Variants in KCNK2 observed in about 807,000 individuals in gnomAD.
The protein encoded by KCNK2 is potassium two pore domain channel subfamily K member 2.
KCNK2 carries 21 observed loss-of-function variants against 40.5 expected under a neutral mutation model. That is an observed-to-expected ratio of 0.52 (90% CI 0.37 to 0.75). KCNK2 has a LOEUF of 0.75. KCNK2 is among the 30% of genes least tolerant of loss of function. KCNK2 has a pLI of 0.00. For missense variants in KCNK2, 399 were observed against 531.6 expected, an observed-to-expected ratio of 0.75 and a Z score of 2.45; for synonymous variants, 191 against 202.2, an observed-to-expected ratio of 0.94 and a Z score of 0.47.
intron 6 of KCNK2, among the ~76,000 whole-genome samples, chr1:215,217,425 A>G (rs897467723): frequency 3.9e-5 from 6 of 152,222 alleles, no homozygotes; most frequent in Middle Eastern, 6.3e-3. Flanking sequence ...ATGTGTTTAG[A>G]TATACATGCA....
intron 1 of KCNK2, among the ~76,000 whole-genome samples, chr1:215,045,205 A>C (rs1342882484): frequency 5.9e-5 from 2 of 33,668 alleles, no homozygotes; most frequent in African/African-American, 1.3e-4. Context: ...AAACAAACAA[A>C]AACCAAAAAA....
intron 5 of KCNK2, 66 bp downstream of exon 5, chr1:215,172,249 G>A: frequency 7.2e-7 from 1 of 1,397,494 alleles, no homozygotes; most frequent in Non-Finnish European, 9.9e-7. Flanking sequence ...TTTTCACTTA[G>A]GTTTATAACG....
chr1:215,078,030 C>G (rs1659009860), upstream of KCNK2, among the ~76,000 whole-genome samples: 1 of 152,168 alleles, frequency 6.6e-6, no homozygotes, highest in East Asian at 1.9e-4. Context: ...GGTGTCCAGC[C>G]TTTTGGCTTC....
intron 1 of KCNK2, among the ~76,000 whole-genome samples, chr1:215,007,450 C>T (rs1258543406): frequency 6.6e-6 from 1 of 151,632 alleles, no homozygotes; most frequent in African/African-American, 2.4e-5. Flanking sequence ...TTGAGTAGCT[C>T]TTGGAGTCAA....
rs145842248 is a variant in KCNK2, at chr1:215,214,514, G to T, written c.963+19422G>T. 4.9e-3 allele frequency among the ~76,000 whole-genome samples: 739 copies of T among 152,288 alleles called. 5 individuals carry two copies. The highest frequency in any genetic ancestry group is 0.017 in the African/African-American group (691 of 41,554). ...TTGTGTTTACTAAAGCTATCAGGTA[G>T]CTGGGTATGTTGTCTCACAAAGCAA... On this transcript the variant is annotated intron_variant, in intron 6 of 6. Coordinates refer to ENST00000444842, the MANE Select transcript of KCNK2 (RefSeq NM_001017425.3).
chr1:215,070,348 G>A lies in KCNK2; in HGVS notation c.35-16020G>A, dbSNP rs1019081555. Among the ~76,000 whole-genome samples the A allele has an allele frequency of 8.6e-5, 13 of 150,816 alleles. No individual in the cohort carries two copies. In the South Asian group the frequency reaches 1.5e-3, roughly 17 times the overall value. ...GGAGAATGGCGTGAATCTGGGAGGC[G>A]GAGCTTGCAGTGAGCCGAGATTGCA... On this transcript the variant is annotated intron_variant, in intron 1 of 6. Coordinates refer to the KCNK2 transcript ENST00000391895.
chr1:215,148,080 C>CTTTCTTTTT lies in KCNK2; in HGVS notation c.476-21116_476-21115insCTTTTTTTT, dbSNP rs1553267720. ...ATTATTATTTTTTTATTTTCTTTTC[C>CTTTCTTTTT]TTTTTTTTTTTTTTTTTTGGCAGGG... On this transcript the variant is annotated intron_variant, in intron 3 of 6. Transcript: ENST00000444842. Among the ~76,000 whole-genome samples, 119 of 111,132 alleles carry CTTTCTTTTT rather than the reference C, an allele frequency of 1.1e-3. 9 individuals carry two copies. Among genetic ancestry groups the CTTTCTTTTT allele is most frequent in the Middle Eastern group, 6.6e-3 (1 of 152 alleles). The allele number at this position is 111,132 out of a possible 152,430, so 72.9% of individuals were successfully genotyped here.
rs3838998 is a variant in KCNK2 at position 215,235,555 on chromosome 1, AT to A, written c.*420del. 24 of 154,012 alleles carry A rather than the reference AT, an allele frequency of 1.6e-4. No individual in the cohort carries two copies. Among genetic ancestry groups the A allele is most frequent in the East Asian group, 5.8e-4 (3 of 5,202 alleles). 9.5% of individuals were successfully genotyped at this position (154,012 alleles called of 1,614,324 possible). On this transcript the variant is annotated 3_prime_UTR_variant, in exon 7 of 7. Coordinates refer to ENST00000444842, the MANE Select transcript of KCNK2 (RefSeq NM_001017425.3). Reference sequence around the variant, plus strand: ...TATGGACCATTTATGGATGACAACAATTTTTTTTTTGTAAATGACAAGAAAT... The same window carrying A: ...TATGGACCATTTATGGATGACAACAATTTTTTTTTGTAAATGACAAGAAAT...
intron 1 of KCNK2, among the ~76,000 whole-genome samples, chr1:215,034,210 G>A: frequency 6.6e-6 from 1 of 152,062 alleles, no homozygotes; most frequent in East Asian, 1.9e-4. Context: ...TTTCTTATGT[G>A]CCAAGAATAG....
At chr1:215,042,194 CA>C (rs1416487208) in intron 1 of KCNK2, among the ~76,000 whole-genome samples, 25 of 152,214 alleles carry the variant, frequency 1.6e-4, no homozygotes, top group African/African-American at 5.5e-4. Context: ...GTATGCTAAG[CA>C]AATGCAGAAA....
chr1:215,220,309 T>G (rs1419718250), intron 6 of KCNK2, among the ~76,000 whole-genome samples: 4 of 152,210 alleles, frequency 2.6e-5, no homozygotes, highest in African/African-American at 9.7e-5. Flanking sequence ...CAATATGTTA[T>G]TTGATCAGTC....
intron 6 of KCNK2, among the ~76,000 whole-genome samples, chr1:215,200,525 A>G (rs1665039260): frequency 6.6e-6 from 1 of 151,800 alleles, no homozygotes; most frequent in Admixed American, 6.6e-5. Flanking sequence ...TGAATAGCTT[A>G]GACTTTATTC....
intron 1 of KCNK2, among the ~76,000 whole-genome samples, chr1:215,013,511 TG>T (rs1460626783): frequency 6.6e-6 from 1 of 152,196 alleles, no homozygotes; most frequent in African/African-American, 2.4e-5. Flanking sequence ...TAGATAAATT[TG>T]GAAAAAATTG....
chr1:215,044,826 T>TGTGCGC (rs142895602), intron 1 of KCNK2, among the ~76,000 whole-genome samples: 11,750 of 140,448 alleles, frequency 0.084, 548 homozygotes, highest in South Asian at 0.16. Context: ...TGTGTGTGTG[T>TGTGCGC]GCGCGCGCAC....
chr1:215,070,712 C>T (rs930405849), intron 1 of KCNK2, among the ~76,000 whole-genome samples: 1 of 152,108 alleles, frequency 6.6e-6, no homozygotes, highest in Non-Finnish European at 1.5e-5. Flanking sequence ...AGCTACGGTT[C>T]AAGATGAGAT....
At chr1:215,232,467 T>A (rs953934970) in intron 6 of KCNK2, among the ~76,000 whole-genome samples, 7 of 152,206 alleles carry the variant, frequency 4.6e-5, no homozygotes, top group Non-Finnish European at 8.8e-5. Flanking sequence ...CTATAAATAA[T>A]ACTGCCAATT....
chr1:215,120,942 T>C (rs1661164381), intron 2 of KCNK2, among the ~76,000 whole-genome samples: 1 of 152,234 alleles, frequency 6.6e-6, no homozygotes, highest in Admixed American at 6.5e-5. Context: ...CATATTTTAT[T>C]TAATTAAATG....
chr1:215,021,606 C>G (rs532261700), intron 1 of KCNK2, among the ~76,000 whole-genome samples: 1 of 139,558 alleles, frequency 7.2e-6, no homozygotes, highest in Non-Finnish European at 1.5e-5. Context: ...AGTGCAGTGG[C>G]GCGATCTCCG....
intron 3 of KCNK2, among the ~76,000 whole-genome samples, chr1:215,154,826 A>G (rs897757120): frequency 6.6e-6 from 1 of 152,094 alleles, no homozygotes; most frequent in African/African-American, 2.4e-5. Flanking sequence ...AGCACCATCT[A>G]TTGAATAGGC....
Sources: gnomAD v4.1 joint callset for allele counts (sites outside exome capture counted in the v4.1 genomes callset) on GRCh38, gnomAD v4.1.1 for gene constraint, MANE v1.5 for transcripts, NCBI Gene and HGNC (gene_info 2026-07-23, HGNC 2026-07-21) for gene names.